The following FREM1 variants were observed in gnomAD, a reference collection of about 807,000 sequenced individuals.
FREM1 encodes FRAS1-related extracellular matrix protein 1.
In FREM1, 220 loss-of-function variants were observed where a neutral mutation model predicts 210.1. The ratio of observed to expected loss-of-function variants is 1.05; its 90% CI spans 0.94 to 1.17. The LOEUF (loss-of-function observed/expected upper bound fraction) is 1.17. Among genes scored for constraint, FREM1 ranks in the 50% most tolerant of loss-of-function variants. FREM1 has a pLI of 0.00. For missense variants in FREM1, 3,454 were observed against 2,675.5 expected, an observed-to-expected ratio of 1.29 and a Z score of -6.42; for synonymous variants, 1,189 against 980.2, an observed-to-expected ratio of 1.21 and a Z score of -3.98.
intron 22 of FREM1, 84 bp from the exon 23 acceptor site, chr9:14,789,198 A>G: frequency 1.3e-6 from 1 of 799,846 alleles, no homozygotes; most frequent in Non-Finnish European, 1.8e-6. Context: ...TGTATCCCCT[A>G]AAAACCTCCA....
chr9:14,827,994 A>G (rs890044533), intron 10 of FREM1, among the ~76,000 whole-genome samples: 18 of 152,226 alleles, frequency 1.2e-4, no homozygotes, highest in African/African-American at 4.3e-4. Flanking sequence ...CTTAGATTTC[A>G]AGAGATGCCT....
Position 14,910,228 on chromosome 9 carries a change from C to T in FREM1, c.-582G>A, listed in dbSNP as rs538670769. ...TGCAAACTTCCTGAGCGCCAAGCCT[C>T]AGGACTCCCTGTGAGAAGGGCATGA... On this transcript the variant is annotated 5_prime_UTR_variant, in exon 1 of 37. Coordinates refer to ENST00000380880, the MANE Select transcript of FREM1 (RefSeq NM_001379081.2). The T allele has an allele frequency of 1.2e-4, 19 of 152,472 alleles. No homozygotes were observed. The East Asian group carries it at 3.5e-3, about 28-fold the overall frequency. 9.4% of individuals were successfully genotyped at this position (152,472 alleles called of 1,614,324 possible). A position where few individuals can be genotyped will look rare whatever the true frequency, so the allele number is the denominator to read the frequency against.
intron 1 of FREM1, among the ~76,000 whole-genome samples, chr9:14,874,904 T>G (rs553968491): frequency 5.7e-4 from 87 of 152,324 alleles, no homozygotes; most frequent in African/African-American, 2.1e-3. Context: ...CTGTAAAGTG[T>G]TTTATTTCTC....
chr9:14,738,381 T>A (rs34875488), intron 36 of FREM1, among the ~76,000 whole-genome samples: 105,349 of 151,696 alleles, frequency 0.69, 36,730 homozygotes, highest in East Asian at 0.77. Context: ...TCCCCAACTG[T>A]TTTTCAGTCT....
At chr9:14,826,619 G>A (rs892911270) in intron 10 of FREM1, among the ~76,000 whole-genome samples, 1 of 152,160 alleles carries the variant, frequency 6.6e-6, no homozygotes, top group Non-Finnish European at 1.5e-5. Flanking sequence ...TTGAATGTTT[G>A]TGTTTTCTCT....
Position 14,806,816 on chromosome 9 carries a change from G to T in FREM1, c.3119C>A (p.Ser1040Ter). The part of the protein sequence containing the change: ...GPVFVVDEGC[S>*]TALTVNHLSA... Reference sequence around the variant, plus strand: ...CAAATGGTTAACAGTAAGGGCTGTTGAGCAGCCCTCATCTACAACAAACAC... The same window carrying T: ...CAAATGGTTAACAGTAAGGGCTGTTTAGCAGCCCTCATCTACAACAAACAC... Residue 1040 changes from serine to a stop codon, truncating the protein, a stop_gained, in exon 18 of 37, where the codon TCA (serine) becomes TAA (stop). Coordinates refer to ENST00000380880, the MANE Select transcript of FREM1 (RefSeq NM_001379081.2). LOFTEE classifies it high-confidence loss of function. 1 of 1,604,784 alleles carries T rather than the reference G, an allele frequency of 6.2e-7. No homozygotes were observed. Among genetic ancestry groups the T allele is most frequent in the Non-Finnish European group, 8.5e-7 (1 of 1,174,574 alleles).
chr9:14,797,604 G>A lies in FREM1; in HGVS notation c.3733C>T (p.Leu1245Phe). 6.2e-7 allele frequency: 1 copy of A among 1,611,982 alleles called. No individual in the cohort carries two copies. The highest frequency in any genetic ancestry group is 8.5e-7 in the Non-Finnish European group (1 of 1,178,724). The change falls in exon 21 of 37, where the codon CTT becomes TTT. Residue 1245 changes from leucine (L) to phenylalanine (F), a missense_variant. Coordinates refer to ENST00000380880, the MANE Select transcript of FREM1 (RefSeq NM_001379081.2). ...LTYMHDDSESLADDFTIQLSD... is the reference protein window; with the variant it reads ...LTYMHDDSESFADDFTIQLSD... Reference sequence around the variant, plus strand: ...AATTGGATTGTAAAATCATCAGCAAGGCTCTCTGAGTCATCATGCATGTAC... The same window carrying A: ...AATTGGATTGTAAAATCATCAGCAAAGCTCTCTGAGTCATCATGCATGTAC...
intron 1 of FREM1, among the ~76,000 whole-genome samples, chr9:14,878,673 T>C (rs974769985): frequency 2.6e-5 from 4 of 152,192 alleles, no homozygotes; most frequent in African/African-American, 4.8e-5. Flanking sequence ...GTCACTGCCA[T>C]GTCCCTCACG....
intron 27 of FREM1, among the ~76,000 whole-genome samples, chr9:14,762,299 C>T (rs562595903): frequency 6.6e-6 from 1 of 152,158 alleles, no homozygotes; most frequent in African/African-American, 2.4e-5. Context: ...GCATGGATTT[C>T]AGCCATCAGT....
At chr9:14,837,067 G>T (rs111746915) in intron 10 of FREM1, among the ~76,000 whole-genome samples, 1 of 152,166 alleles carries the variant, frequency 6.6e-6, no homozygotes, top group African/African-American at 2.4e-5. Flanking sequence ...CCAACATGGC[G>T]ATTCCCTTGG....
intron 2 of FREM1, among the ~76,000 whole-genome samples, chr9:14,864,379 G>A (rs1440690900): frequency 1.3e-5 from 2 of 150,860 alleles, no homozygotes; most frequent in Non-Finnish European, 2.9e-5. Context: ...TTTTTTTTCC[G>A]AATAGTATTC....
intron 16 of FREM1, among the ~76,000 whole-genome samples, chr9:14,810,324 G>C (rs974080006): frequency 5.9e-5 from 9 of 152,182 alleles, no homozygotes; most frequent in African/African-American, 2.2e-4. Flanking sequence ...TACAGAAATA[G>C]CTGGGAAAGC....
intron 30 of FREM1, among the ~76,000 whole-genome samples, chr9:14,749,884 C>T (rs899413869): frequency 5.3e-5 from 8 of 152,072 alleles, no homozygotes; most frequent in Admixed American, 3.9e-4. Context: ...GAACAACAAA[C>T]GGGTAGGAAA....
In FREM1 at chr9:14,784,384, G is replaced by A. The variant is rs748217956; in HGVS notation, c.4428C>T (p.Ser1476=). The change falls in exon 24 of 37, where the codon TCC becomes TCT. Residue 1476 remains serine, a synonymous_variant. Transcript: ENST00000380880. ...ATGGGGCTCACCTGAATCTGTCACT[G>A]GAGACAGTCACCTTGCTCTTGTGTA... ...CYVHKSKVTV[S]SDRFRFIISN... 1.9e-6 allele frequency: 3 copies of A among 1,613,488 alleles called. No individual in the cohort carries two copies. Among genetic ancestry groups the A allele is most frequent in the South Asian group, 1.1e-5 (1 of 91,002 alleles).
At chr9:14,877,517 T>G (rs1191596171) in intron 1 of FREM1, among the ~76,000 whole-genome samples, 1 of 151,786 alleles carries the variant, frequency 6.6e-6, no homozygotes, top group Non-Finnish European at 1.5e-5. Context: ...TCCTTCCCCT[T>G]GAGTGCCAGC....
intron 19 of FREM1, 107 bp from the exon 20 acceptor site, chr9:14,801,981 C>G: frequency 1.3e-6 from 1 of 779,164 alleles, no homozygotes; most frequent in South Asian, 2.0e-5. Flanking sequence ...TTCAAATTTT[C>G]TATGAGATTT....
intron 27 of FREM1, among the ~76,000 whole-genome samples, chr9:14,766,420 G>C (rs561501916): frequency 6.6e-6 from 1 of 152,274 alleles, no homozygotes; most frequent in East Asian, 1.9e-4. Flanking sequence ...GTTGGGTTGA[G>C]GTTTGCTGCG....
chr9:14,861,742 G>C (rs1026483307), intron 3 of FREM1, among the ~76,000 whole-genome samples: 2 of 151,918 alleles, frequency 1.3e-5, no homozygotes. Flanking sequence ...CCTGACCTCA[G>C]GTGATCTGCC....
chr9:14,849,456 G>A (rs1827265703), intron 6 of FREM1, among the ~76,000 whole-genome samples: 1 of 152,160 alleles, frequency 6.6e-6, no homozygotes, highest in Non-Finnish European at 1.5e-5. Flanking sequence ...ATTATGTGCT[G>A]TGTATGTATT....
Sources: allele counts gnomAD v4.1 joint callset (sites outside exome capture counted in the v4.1 genomes callset), GRCh38; gene constraint gnomAD v4.1.1; transcripts MANE v1.5; gene names NCBI Gene and HGNC (gene_info 2026-07-23, HGNC 2026-07-21).